Variants in KDM4A observed in about 807,000 individuals in gnomAD.
KDM4A encodes lysine-specific demethylase 4A.
Under a neutral mutation model 127.1 loss-of-function variants are expected in KDM4A, and 23 were observed. The observed-to-expected ratio is 0.18, with a 90% CI of 0.13 to 0.26. KDM4A has a LOEUF of 0.26. Ranked by LOEUF, KDM4A falls within the 10% of genes least tolerant of loss-of-function variation. KDM4A has a pLI of 1.00. For synonymous variants in KDM4A, 443 were observed against 466.5 expected, an observed-to-expected ratio of 0.95 and a Z score of 0.65; for missense variants, 890 against 1,329.1, an observed-to-expected ratio of 0.67 and a Z score of 5.14.
At chr1:43,650,919 A>G (rs1271853421) in intron 1 of KDM4A, among the ~76,000 whole-genome samples, 2 of 152,230 alleles carry the variant, frequency 1.3e-5, no homozygotes, top group Non-Finnish European at 2.9e-5. Flanking sequence ...GGAAGGTGTC[A>G]TGAAACGGGA....
At chr1:43,661,632 A>AT (rs71579303) in intron 4 of KDM4A, among the ~76,000 whole-genome samples, 8 of 106,058 alleles carry the variant, frequency 7.5e-5, no homozygotes, top group East Asian at 3.0e-4. Flanking sequence ...AAAAAAAAAA[A>AT]AAAAAAAAGA....
At chr1:43,673,127 C>A (rs1660664780) in intron 11 of KDM4A, among the ~76,000 whole-genome samples, 1 of 152,010 alleles carries the variant, frequency 6.6e-6, no homozygotes, top group African/African-American at 2.4e-5. Flanking sequence ...GTGGGTCTGC[C>A]ACTCTGAGTG....
intron 11 of KDM4A, among the ~76,000 whole-genome samples, chr1:43,678,849 A>C (rs1432687976): frequency 6.6e-6 from 1 of 152,160 alleles, no homozygotes; most frequent in Non-Finnish European, 1.5e-5. Context: ...GGCCTCCCAA[A>C]GTGCTGGGAT....
chr1:43,694,747 T>A lies in KDM4A; in HGVS notation c.2523T>A (p.Ala841=). 6.2e-7 allele frequency: 1 copy of A among 1,613,400 alleles called. No individual in the cohort carries two copies. Among genetic ancestry groups the A allele is most frequent in the African/African-American group, 1.3e-5 (1 of 75,052 alleles). ...IFCKKRRKRT[A]GCCVQCSHGR... ...GTAAGAAGCGGAGGAAAAGAACTGC[T>A]GGCTGCTGTGTGCAGTGTTCTCACG... Residue 841 remains alanine (A), a synonymous_variant, in exon 18 of 22, where the codon GCT becomes GCA. Transcript: ENST00000372396. This position sits in a 1 kb window ranked among gnomAD's most constrained non-coding sequence, Gnocchi z 5.2.
At chr1:43,657,184 G>A (rs544937566) in intron 3 of KDM4A, among the ~76,000 whole-genome samples, 132 of 152,082 alleles carry the variant, frequency 8.7e-4, no homozygotes, top group African/African-American at 3.1e-3. Context: ...CACTGCATCC[G>A]GCTGACACCT....
Position 43,692,831 on chromosome 1 carries a change from G to T in KDM4A, c.2375+520G>T, listed in dbSNP as rs148192727. On this transcript the variant is annotated intron_variant, in intron 16 of 21. Transcript: ENST00000372396. ...AATTTTCTGGGCTTCTCAGCTGTTG[G>T]GCAGCTCGTTTTCATGGAGTGAATC... is the stretch of plus-strand genomic sequence containing the variant. 3.4e-3 allele frequency among the ~76,000 whole-genome samples: 515 copies of T among 152,286 alleles called. 5 individuals are homozygous for T. Among genetic ancestry groups the T allele is most frequent in the Middle Eastern group, 3.4e-3 (1 of 294 alleles).
chr1:43,690,066 T>C (rs1433819591), intron 13 of KDM4A, among the ~76,000 whole-genome samples: 2 of 152,262 alleles, frequency 1.3e-5, no homozygotes, highest in East Asian at 1.9e-4. Flanking sequence ...CAGCAGATAT[T>C]TGCAATCAGT....
Position 43,688,993 on chromosome 1 carries a change from G to T in KDM4A, c.1935G>T (p.Gln645His). 1 of 1,614,242 alleles carries T rather than the reference G, an allele frequency of 6.2e-7. No homozygotes were observed. Among genetic ancestry groups the T allele is most frequent in the Non-Finnish European group, 8.5e-7 (1 of 1,180,042 alleles). The change falls in exon 13 of 22, where the codon CAG (glutamine) becomes CAT (histidine). Residue 645 changes from glutamine (Q) to histidine (H), a missense_variant. Gln to His is a conservative substitution (Grantham distance 24). This residue lies in a region of KDM4A where 389 missense variants were observed against 485.9 expected (regional missense o/e 0.80). Coordinates refer to ENST00000372396, the MANE Select transcript of KDM4A (RefSeq NM_014663.3). The surrounding 1 kb of genome is among the most constrained non-coding windows in gnomAD (Gnocchi z 4.4). The part of the protein sequence containing the change: ...AWAKPLSQLW[Q>H]NRPPNFEAEK... Reference sequence around the variant, plus strand: ...CCAAGCCTCTGAGCCAACTGTGGCAGAACCGACCTCCAAACTTTGAGGCTG... The same window carrying T: ...CCAAGCCTCTGAGCCAACTGTGGCATAACCGACCTCCAAACTTTGAGGCTG...
intron 11 of KDM4A, among the ~76,000 whole-genome samples, chr1:43,682,236 G>A (rs746208666): frequency 3.3e-5 from 5 of 152,198 alleles, no homozygotes; most frequent in Non-Finnish European, 5.9e-5. Flanking sequence ...GAGCCACTGT[G>A]CCTGGCCAGA....
rs917851148 is a variant in KDM4A at position 43,655,735 on chromosome 1, C to A, written c.283C>A (p.Arg95=). 7 of 1,611,936 alleles carry A rather than the reference C, an allele frequency of 4.3e-6. No individual in the cohort carries two copies. The South Asian group carries it at 6.6e-5, about 15-fold the overall frequency. ...CATACAGAAGAAAGCCATGACTGTT[C>A]GAGAGTTCCGCAAGATAGCCAATAG... ...YNIQKKAMTV[R]EFRKIANSDK... is the part of the protein sequence containing the mutation. The change falls in exon 3 of 22, where the codon CGA becomes AGA. Residue 95 remains arginine, a synonymous_variant. Coordinates refer to ENST00000372396, the MANE Select transcript of KDM4A (RefSeq NM_014663.3).
intron 11 of KDM4A, among the ~76,000 whole-genome samples, chr1:43,683,159 G>T (rs1660895003): frequency 6.6e-6 from 1 of 152,256 alleles, no homozygotes; most frequent in Non-Finnish European, 1.5e-5. Flanking sequence ...CTAGCGCGAA[G>T]TCTTGGCAGT....
intron 11 of KDM4A, among the ~76,000 whole-genome samples, chr1:43,674,099 C>T (rs534939317): frequency 6.6e-6 from 1 of 152,184 alleles, no homozygotes; most frequent in Non-Finnish European, 1.5e-5. Flanking sequence ...CACACCACCA[C>T]TCTTGGCCAA....
At chr1:43,659,282 G>A (rs977151220) in intron 3 of KDM4A, among the ~76,000 whole-genome samples, 7 of 152,130 alleles carry the variant, frequency 4.6e-5, no homozygotes, top group Admixed American at 4.6e-4. Context: ...AGCAGAGCAA[G>A]GATCTTGTAT....
rs560328188 is a variant in KDM4A, at chr1:43,694,327, G to C, written c.2484+225G>C. On this transcript the variant is annotated intron_variant, in intron 17 of 21. Transcript: ENST00000372396. This position sits in a 1 kb window ranked among gnomAD's most constrained non-coding sequence, Gnocchi z 5.2. Reference sequence around the variant, plus strand: ...AGGTCAGGAGTTCAAGACCAGCCTGGGCAACATGGTGAAACCCCGACTCTA... The same window carrying C: ...AGGTCAGGAGTTCAAGACCAGCCTGCGCAACATGGTGAAACCCCGACTCTA... 1.3e-5 allele frequency among the ~76,000 whole-genome samples: 2 copies of C among 152,122 alleles called. No homozygotes were observed. The highest frequency in any genetic ancestry group is 2.1e-4 in the South Asian group (1 of 4,806).
rs769678110 is a variant in KDM4A, at chr1:43,669,185, A to C, written c.1249A>C (p.Lys417Gln). 2 of 1,614,152 alleles carry C rather than the reference A, an allele frequency of 1.2e-6. No individual in the cohort carries two copies. Among genetic ancestry groups the C allele is most frequent in the East Asian group, 4.5e-5 (2 of 44,872 alleles). The change falls in exon 10 of 22, where the codon AAG becomes CAG. Residue 417 changes from lysine to glutamine, a missense_variant. Lys to Gln is a moderately conservative substitution (Grantham distance 53). Transcript: ENST00000372396. ...QEVSQSELFP[K>Q]EDLSSEQYEM... ...GGTGAGTCAGAGTGAGCTCTTCCCC[A>C]AGGAGGATCTGAGTTCTGAGCAGTA...
chr1:43,665,856 G>GA, intron 6 of KDM4A, 111 bp downstream of exon 6: 2 of 1,101,882 alleles, frequency 1.8e-6, no homozygotes, highest in South Asian at 1.3e-5. Flanking sequence ...CCTGTTGCAG[G>GA]CCTGCAGACG....
At chr1:43,654,719 G>T (rs1660197731) in intron 2 of KDM4A, among the ~76,000 whole-genome samples, 1 of 133,878 alleles carries the variant, frequency 7.5e-6, no homozygotes, top group Middle Eastern at 4.3e-3. Context: ...GTGTGTGTGT[G>T]TGTGTGTGTG....
intron 13 of KDM4A, chr1:43,690,507 C>T (rs528176449): frequency 3.2e-4 from 117 of 364,122 alleles, no homozygotes; most frequent in Non-Finnish European, 5.3e-4. Flanking sequence ...CTCGGCCTCC[C>T]GAAGTGCTGG....
Position 43,704,685 on chromosome 1 carries a change from C to G in KDM4A, c.*315C>G, listed in dbSNP as rs1260893903. 2.9e-6 allele frequency: 1 copy of G among 350,758 alleles called. No individual in the cohort carries two copies. Among genetic ancestry groups the G allele is most frequent in the Non-Finnish European group, 5.3e-6 (1 of 190,386 alleles). 21.7% of individuals were successfully genotyped at this position (350,758 alleles called of 1,614,324 possible). A position where few individuals can be genotyped will look rare whatever the true frequency, so the allele number is the denominator to read the frequency against. Reference sequence around the variant, plus strand: ...GCTGGACTGGCTGCCTTGTTCCTGGCCTAGGACTTAGCTTCATAACTATCA... The same window carrying G: ...GCTGGACTGGCTGCCTTGTTCCTGGGCTAGGACTTAGCTTCATAACTATCA... On this transcript the variant is annotated 3_prime_UTR_variant, in exon 22 of 22. Coordinates refer to ENST00000372396, the MANE Select transcript of KDM4A (RefSeq NM_014663.3).
Sources: allele counts gnomAD v4.1 joint callset (sites outside exome capture counted in the v4.1 genomes callset), GRCh38; gene constraint gnomAD v4.1.1; regional missense constraint gnomAD v4.1.1; non-coding constraint Gnocchi (gnomAD v3.1); transcripts MANE v1.5; gene names NCBI Gene and HGNC (gene_info 2026-07-23, HGNC 2026-07-21).